HTR3B: variants seen among roughly 807,000 people sequenced by gnomAD.
HTR3B encodes 5-hydroxytryptamine receptor 3B.
Under a neutral mutation model 42.8 loss-of-function variants are expected in HTR3B, and 44 were observed. That is an observed-to-expected ratio of 1.03 (90% CI 0.81 to 1.32). The LOEUF (loss-of-function observed/expected upper bound fraction) is 1.32, where lower values mean the gene tolerates loss of function less well. HTR3B is among the 40% of genes most tolerant of loss of function. The pLI, the probability that HTR3B is intolerant of heterozygous loss-of-function variation, is 0.00. For missense variants in HTR3B, 527 were observed against 536.5 expected, an observed-to-expected ratio of 0.98 and a Z score of 0.17; for synonymous variants, 203 against 209.0, an observed-to-expected ratio of 0.97 and a Z score of 0.25.
chr11:113,921,412 A>C (rs1949911187), intron 2 of HTR3B, among the ~76,000 whole-genome samples: 1 of 152,076 alleles, frequency 6.6e-6, no homozygotes, highest in Admixed American at 6.6e-5. Context: ...CCAAAGTGCT[A>C]GGATTACAAG....
At chr11:113,945,415 G>T (rs914797871) in intron 8 of HTR3B, among the ~76,000 whole-genome samples, 1 of 152,204 alleles carries the variant, frequency 6.6e-6, no homozygotes, top group East Asian at 1.9e-4. Context: ...GATTACAGGT[G>T]TGAGCCTACC....
chr11:113,906,129 G>T (rs1949731546), intron 1 of HTR3B, among the ~76,000 whole-genome samples: 1 of 152,212 alleles, frequency 6.6e-6, no homozygotes, highest in Admixed American at 6.5e-5. Flanking sequence ...GTAGCAGAAA[G>T]AAGTGTTTTA....
At chr11:113,931,656 A>G (rs1355152713) in intron 3 of HTR3B, 102 bp from the exon 4 acceptor site, 9 of 772,582 alleles carry the variant, frequency 1.2e-5, no homozygotes, top group Non-Finnish European at 2.0e-5. Context: ...TAGAACCAAG[A>G]GGCTGATAAA....
chr11:113,913,840 T>C (rs898171101), intron 2 of HTR3B, among the ~76,000 whole-genome samples: 1 of 152,050 alleles, frequency 6.6e-6, no homozygotes, highest in Non-Finnish European at 1.5e-5. Context: ...CAAATTCATA[T>C]GTTGATGGTA....
chr11:113,902,363 C>T (rs963560652), upstream of HTR3B, among the ~76,000 whole-genome samples: 1 of 151,094 alleles, frequency 6.6e-6, no homozygotes, highest in Non-Finnish European at 1.5e-5. Flanking sequence ...GTGGTGTGAT[C>T]TCGGCTCAGT....
At chr11:113,925,769 T>A (rs1347984271) in intron 2 of HTR3B, among the ~76,000 whole-genome samples, 2 of 152,214 alleles carry the variant, frequency 1.3e-5, no homozygotes, top group Admixed American at 1.3e-4. Flanking sequence ...AGGAGAGTTC[T>A]TTAATAGTAT....
intron 2 of HTR3B, among the ~76,000 whole-genome samples, chr11:113,921,765 A>G (rs2137505513): frequency 6.6e-6 from 1 of 152,332 alleles, no homozygotes; most frequent in South Asian, 2.1e-4. Flanking sequence ...TCCTACCCTG[A>G]CAAAAGAAAG....
At chr11:113,903,551 C>T (rs1028461727), upstream of HTR3B, among the ~76,000 whole-genome samples, 7 of 151,610 alleles carry the variant, frequency 4.6e-5, no homozygotes, top group Non-Finnish European at 1.0e-4. Context: ...GCCTCAGCCT[C>T]CCGAGTAGCT....
chr11:113,901,446 GA>G (rs1245564709), upstream of HTR3B, among the ~76,000 whole-genome samples: 2,321 of 135,164 alleles, frequency 0.017, 31 homozygotes, highest in African/African-American at 0.044. Flanking sequence ...GCCTCTTAGG[GA>G]AAAAAAAAAA....
upstream of HTR3B, among the ~76,000 whole-genome samples, chr11:113,904,066 T>C (rs1949716466): frequency 6.6e-6 from 1 of 152,198 alleles, no homozygotes; most frequent in Non-Finnish European, 1.5e-5. Context: ...ATGTTGGAAA[T>C]GGTATTTGTT....
intron 1 of HTR3B, chr11:113,909,040 G>T (rs1211072860): frequency 1.2e-5 from 7 of 562,536 alleles, no homozygotes; most frequent in Non-Finnish European, 2.2e-5. Flanking sequence ...GGAATTGTAG[G>T]TACAGTTTTC....
intron 1 of HTR3B, chr11:113,908,889 G>T: frequency 4.8e-6 from 1 of 208,444 alleles, no homozygotes; most frequent in Non-Finnish European, 9.4e-6. Flanking sequence ...TTTGAATTAC[G>T]CATGAAAAAT....
At chr11:113,917,019 C>T (rs1949861019) in intron 2 of HTR3B, among the ~76,000 whole-genome samples, 1 of 152,030 alleles carries the variant, frequency 6.6e-6, no homozygotes, top group South Asian at 2.1e-4. Context: ...CATTTGTTTC[C>T]TTCTAGTGTC....
chr11:113,944,528 C>T (rs754948788), intron 7 of HTR3B, 45 bp from the exon 8 acceptor site: 12 of 1,586,920 alleles, frequency 7.6e-6, no homozygotes, highest in South Asian at 1.1e-5. Flanking sequence ...TCTGATGCTG[C>T]ATTTCAGACT....
chr11:113,917,804 C>T (rs73554897), intron 2 of HTR3B, among the ~76,000 whole-genome samples: 2,184 of 152,144 alleles, frequency 0.014, 43 homozygotes, highest in African/African-American at 0.049. Flanking sequence ...GGGGTTTTGC[C>T]ATATTGCCCA....
chr11:113,922,772 G>T (rs369688300), intron 2 of HTR3B, among the ~76,000 whole-genome samples: 1 of 151,654 alleles, frequency 6.6e-6, no homozygotes, highest in Middle Eastern at 3.6e-3. Context: ...AGCCGGGATG[G>T]TCTCAATCTC....
intron 1 of HTR3B, among the ~76,000 whole-genome samples, chr11:113,907,872 C>T (rs938802728): frequency 1.3e-5 from 2 of 152,138 alleles, no homozygotes; most frequent in African/African-American, 4.8e-5. Flanking sequence ...GCAGGAAAAG[C>T]ACTGGGACAG....
intron 2 of HTR3B, among the ~76,000 whole-genome samples, chr11:113,920,897 C>T (rs1244480189): frequency 1.3e-5 from 2 of 152,076 alleles, no homozygotes; most frequent in Non-Finnish European, 2.9e-5. Context: ...ACTGCAACCT[C>T]TGCCTCCTGG....
In HTR3B at chr11:113,947,105, GCTT is replaced by G. The variant is rs1481662835; in HGVS notation, c.*972_*974del. Among the ~76,000 whole-genome samples, 2 of 150,470 alleles carry G rather than the reference GCTT, an allele frequency of 1.3e-5. No homozygotes were observed. Among genetic ancestry groups the G allele is most frequent in the Admixed American group, 6.7e-5 (1 of 15,000 alleles). On this transcript the variant is annotated 3_prime_UTR_variant, in exon 9 of 9. Transcript: ENST00000260191. The stretch of plus-strand genomic sequence containing the variant: ...CACTGGAGAGAACCCAGGTGCCAAG[GCTT>G]CTTTTTTTTTTTTTGAGGCAGAGTC...
Sources: gnomAD v4.1 joint callset for allele counts (sites outside exome capture counted in the v4.1 genomes callset) on GRCh38, gnomAD v4.1.1 for gene constraint, MANE v1.5 for transcripts, NCBI Gene and HGNC (gene_info 2026-07-23, HGNC 2026-07-21) for gene names.